The following SMARCA4 variants were observed in gnomAD, a reference collection of about 807,000 sequenced individuals.
The protein encoded by SMARCA4 is SWI/SNF related BAF chromatin remodeling complex subunit ATPase 4.
SMARCA4 carries 31 observed loss-of-function variants against 193.9 expected under a neutral mutation model. That is an observed-to-expected ratio of 0.16 (90% confidence interval 0.12 to 0.22). SMARCA4 has a LOEUF of 0.22. Among genes scored for constraint, SMARCA4 ranks in the 10% least tolerant of loss-of-function variants. The pLI is 1.00. For synonymous variants in SMARCA4, 942 were observed against 933.1 expected, an observed-to-expected ratio of 1.01 and a Z score of -0.17; for missense variants, 1,148 against 2,296.0, an observed-to-expected ratio of 0.50 and a Z score of 10.22.
intron 32 of SMARCA4, chr19:11,059,143 C>T (rs1485469484): frequency 4.3e-6 from 2 of 466,752 alleles, no homozygotes; most frequent in African/African-American, 2.0e-5. Flanking sequence ...AAATTTCCAA[C>T]TTGGGATATT....
At chr19:11,056,912 A>G (rs2076577759) in intron 30 of SMARCA4, among the ~76,000 whole-genome samples, 1 of 152,202 alleles carries the variant, frequency 6.6e-6, no homozygotes, top group African/African-American at 2.4e-5. Flanking sequence ...AGCGTGGTAA[A>G]CAGAAGCAAG....
At position 11,058,368 on chromosome 19, in the gene SMARCA4, C is replaced by T. The variant is rs778368597; in HGVS notation, c.4533+5C>T. The T allele has an allele frequency of 5.7e-6, 9 of 1,591,368 alleles. No individual in the cohort carries two copies. The African/African-American group carries it at 1.2e-4, about 21-fold the overall frequency. ...GTGGACTTCAAGAAGATAAAGGTAA[C>T]CCTGACGTTGTACCTGCGCCCCGCA... On this transcript the variant is annotated splice_donor_5th_base_variant and intron_variant, in intron 31 of 34. Transcript: ENST00000344626. The surrounding 1 kb of genome is among the most constrained non-coding windows in gnomAD (Gnocchi z 5.8).
At chr19:10,982,541 C>T (rs1274272810) in intron 1 of SMARCA4, among the ~76,000 whole-genome samples, 2 of 151,750 alleles carry the variant, frequency 1.3e-5, no homozygotes, top group Non-Finnish European at 2.9e-5. Flanking sequence ...GCTCTGTCGC[C>T]CAGGCTGGAG....
At chr19:10,991,461 C>G in intron 8 of SMARCA4, 138 bp downstream of exon 8, 1 of 1,377,712 alleles carries the variant, frequency 7.3e-7, no homozygotes, top group African/African-American at 1.4e-5. Flanking sequence ...TAACAGTATT[C>G]TAGGTACTGA....
rs758203117 is a variant in SMARCA4 at position 10,991,304 on chromosome 19, A to G, written c.1400A>G (p.Lys467Arg). The change falls in exon 8 of 35, where the codon AAG becomes AGG. Residue 467 changes from lysine (K) to arginine (R), a missense_variant. Physicochemically the swap from Lys to Arg is conservative, Grantham distance 26. Transcript: ENST00000344626. ...EKQQKIEQER[K>R]RRQKHQEYLN... ...CAGCAGAAGATCGAGCAGGAGCGCA[A>G]GCGCCGGCAGAAGCACCAGGTACGC... The G allele has an allele frequency of 6.2e-7, 1 of 1,603,830 alleles. No homozygotes were observed. Among genetic ancestry groups the G allele is most frequent in the South Asian group, 1.1e-5 (1 of 89,504 alleles).
At chr19:10,977,317 T>G (rs1056486972) in intron 1 of SMARCA4, among the ~76,000 whole-genome samples, 2 of 151,950 alleles carry the variant, frequency 1.3e-5, no homozygotes, top group African/African-American at 2.4e-5. Flanking sequence ...CTCGAGTTTT[T>G]TTTTGTTTTG....
intron 11 of SMARCA4, among the ~76,000 whole-genome samples, chr19:11,002,244 C>T (rs1219324946): frequency 3.3e-5 from 5 of 152,130 alleles, no homozygotes; most frequent in Non-Finnish European, 5.9e-5. Flanking sequence ...CCTTGGGAGG[C>T]CGAGGCGGGC....
chr19:11,016,870 C>T (rs937200671), intron 16 of SMARCA4, among the ~76,000 whole-genome samples: 15 of 152,086 alleles, frequency 9.9e-5, no homozygotes, highest in Admixed American at 9.8e-4. Context: ...GCTGCAGGCT[C>T]ATGTAGTCTA....
intron 30 of SMARCA4, among the ~76,000 whole-genome samples, chr19:11,054,149 G>C (rs1020968780): frequency 1.3e-5 from 2 of 152,212 alleles, no homozygotes; most frequent in African/African-American, 4.8e-5. Context: ...CTCCCAAGTA[G>C]AGCATTTCCC....
At chr19:10,999,079 A>AT (rs1292301109) in intron 11 of SMARCA4, among the ~76,000 whole-genome samples, 2 of 151,808 alleles carry the variant, frequency 1.3e-5, no homozygotes, top group African/African-American at 2.4e-5. Flanking sequence ...AGTGTTCTGT[A>AT]TTTTTTTGTA....
intron 30 of SMARCA4, among the ~76,000 whole-genome samples, chr19:11,055,852 C>T (rs1156565974): frequency 2.0e-5 from 3 of 152,122 alleles, no homozygotes; most frequent in Non-Finnish European, 4.4e-5. Flanking sequence ...CGTTGGCCTC[C>T]CAAAGTGCTG....
At chr19:10,975,494 A>G (rs928515964) in intron 1 of SMARCA4, among the ~76,000 whole-genome samples, 26 of 151,524 alleles carry the variant, frequency 1.7e-4, no homozygotes, top group African/African-American at 6.3e-4. Context: ...GTATTTTAGT[A>G]GAGATAGGGT....
At position 10,986,642 on chromosome 19, in the gene SMARCA4, G is replaced by T. The variant is rs2145788724; in HGVS notation, c.760+49G>T. 6.5e-7 allele frequency: 1 copy of T among 1,534,510 alleles called. No homozygotes were observed. Among genetic ancestry groups the T allele is most frequent in the Non-Finnish European group, 8.7e-7 (1 of 1,146,594 alleles). ...CAGGTGTCTCAGAGCGAATGGCTGG[G>T]GCGTGGGTGGCGGGGTGGACAGACC... On this transcript the variant is annotated intron_variant, in intron 4 of 34. Coordinates refer to ENST00000344626, the MANE Select transcript of SMARCA4 (RefSeq NM_003072.5). The surrounding 1 kb of genome is among the most constrained non-coding windows in gnomAD (Gnocchi z 6.7).
At chr19:11,047,579 T>C (rs879754561) in intron 30 of SMARCA4, 11 of 151,896 alleles carry the variant, frequency 7.2e-5, no homozygotes, top group Non-Finnish European at 1.6e-4. Context: ...TGGCTAATTT[T>C]TGTATTTTTT....
At chr19:11,000,859 CAAA>C (rs539982586) in intron 11 of SMARCA4, among the ~76,000 whole-genome samples, 2 of 81,976 alleles carry the variant, frequency 2.4e-5, no homozygotes, top group Admixed American at 1.3e-4. Context: ...GACTCTGTCT[CAAA>C]AAAAAAAAAA....
chr19:11,058,639 T>C lies in SMARCA4; in HGVS notation c.4534-149T>C. On this transcript the variant is annotated intron_variant, in intron 31 of 34. Transcript: ENST00000344626. This position sits in a 1 kb window ranked among gnomAD's most constrained non-coding sequence, Gnocchi z 5.8. ...GCCTCAGTCATGCAGTTCCCATGCCTAGTGAGCCAGGTTACCGAGGCTGGC... is the reference window on the plus strand; with the variant it reads ...GCCTCAGTCATGCAGTTCCCATGCCCAGTGAGCCAGGTTACCGAGGCTGGC... 2.7e-6 allele frequency: 2 copies of C among 730,042 alleles called. No individual in the cohort carries two copies. The highest frequency in any genetic ancestry group is 1.5e-5 in the South Asian group (1 of 67,190). The allele number at this position is 730,042 out of a possible 1,614,324, so 45.2% of individuals were successfully genotyped here. A position where few individuals can be genotyped will look rare whatever the true frequency, so the allele number is the denominator to read the frequency against.
chr19:10,965,009 G>C (rs1025728966), intron 1 of SMARCA4, among the ~76,000 whole-genome samples: 1 of 152,168 alleles, frequency 6.6e-6, no homozygotes, highest in African/African-American at 2.4e-5. Context: ...ACCTGGGTTT[G>C]ACTCCTGGTT....
intron 1 of SMARCA4, among the ~76,000 whole-genome samples, chr19:10,982,695 AGG>A (rs2085656754): frequency 1.3e-5 from 2 of 151,860 alleles, no homozygotes; most frequent in South Asian, 4.2e-4. Flanking sequence ...TAGTAGAGAC[AGG>A]GTTTCACCAT....
chr19:11,044,852 C>T (rs1211696854), intron 30 of SMARCA4, among the ~76,000 whole-genome samples: 1 of 152,240 alleles, frequency 6.6e-6, no homozygotes, highest in Non-Finnish European at 1.5e-5. Flanking sequence ...CAGACGTGTC[C>T]ATAGCCACTT....
Sources: allele counts gnomAD v4.1 joint callset (sites outside exome capture counted in the v4.1 genomes callset), GRCh38; gene constraint gnomAD v4.1.1; non-coding constraint Gnocchi (gnomAD v3.1); transcripts MANE v1.5; gene names NCBI Gene and HGNC (gene_info 2026-07-23, HGNC 2026-07-21).